The following BEND6 variants were observed in gnomAD, a reference collection of about 807,000 sequenced individuals.
BEND6 encodes the protein BEN domain-containing protein 6.
Under a neutral mutation model 31.8 loss-of-function variants are expected in BEND6, and 24 were observed. The observed-to-expected ratio is 0.75, with a 90% CI of 0.55 to 1.06. The LOEUF is 1.06. BEND6 is among the 50% of genes least tolerant of loss of function. The pLI is 0.00. For synonymous variants in BEND6, 109 were observed against 114.6 expected (o/e 0.95, Z 0.31); for missense variants, 294 against 327.4 (o/e 0.90, Z 0.79).
At chr6:56,968,312 C>CTTTTTTTTT (rs779756084) in intron 1 of BEND6, among the ~76,000 whole-genome samples, 39 of 65,982 alleles carry the variant, frequency 5.9e-4, no homozygotes, top group East Asian at 1.6e-3. Context: ...TCTTTCTTTT[C>CTTTTTTTTT]TTTTTTTTTT....
intron 3 of BEND6, among the ~76,000 whole-genome samples, chr6:56,994,886 C>G (rs2127866206): frequency 6.6e-6 from 1 of 152,290 alleles, no homozygotes; most frequent in East Asian, 1.9e-4. Context: ...CTCTCCCACG[C>G]TCCAAATTGC....
chr6:57,005,659 G>T lies in BEND6; in HGVS notation c.299-9474G>T, dbSNP rs149565298. Among the ~76,000 whole-genome samples, 396 of 149,694 alleles carry T rather than the reference G, an allele frequency of 2.6e-3. 1 individual carries two copies. Among genetic ancestry groups the T allele is most frequent in the African/African-American group, 9.0e-3 (366 of 40,580 alleles). On this transcript the variant is annotated intron_variant, in intron 3 of 6. Coordinates refer to ENST00000370746, the MANE Select transcript of BEND6 (RefSeq NM_152731.3). Reference sequence around the variant, plus strand: ...CGCCCCACTGCACTCCACCCTGGGCGACAGAGCGAGACTCCATTAAAAAAA... The same window carrying T: ...CGCCCCACTGCACTCCACCCTGGGCTACAGAGCGAGACTCCATTAAAAAAA...
Position 57,023,155 on chromosome 6 carries a change from C to A in BEND6, c.*10-2927C>A, listed in dbSNP as rs561971581. ...TTTGGCCTATGTGATCTATGGTGTA[C>A]TTTAACTCCAGTGTTTCCTTGTCAA... is the stretch of plus-strand genomic sequence containing the variant. On this transcript the variant is annotated intron_variant, in intron 6 of 6. Transcript: ENST00000370746. 7.9e-5 allele frequency among the ~76,000 whole-genome samples: 12 copies of A among 152,248 alleles called. No individual in the cohort carries two copies. The East Asian group carries it at 1.9e-3, about 24-fold the overall frequency.
rs1256680001 is a variant in BEND6 at position 56,955,215 on chromosome 6, G to A, written c.-346G>A. Reference sequence around the variant, plus strand: ...CTGAGAGCCCAGCGCCCTCCCGCGGGGCCGCCCGCCAGTCCGCGCCGTCCG... The same window carrying A: ...CTGAGAGCCCAGCGCCCTCCCGCGGAGCCGCCCGCCAGTCCGCGCCGTCCG... On this transcript the variant is annotated 5_prime_UTR_variant, in exon 1 of 7. Coordinates refer to ENST00000370746, the MANE Select transcript of BEND6 (RefSeq NM_152731.3). 6.6e-6 allele frequency: 1 copy of A among 151,776 alleles called. No individual in the cohort carries two copies. The highest frequency in any genetic ancestry group is 1.9e-4 in the East Asian group (1 of 5,168). 9.4% of individuals were successfully genotyped at this position (151,776 alleles called of 1,614,324 possible).
At chr6:56,976,733 T>C (rs540875696) in intron 1 of BEND6, among the ~76,000 whole-genome samples, 7 of 152,210 alleles carry the variant, frequency 4.6e-5, no homozygotes, top group African/African-American at 1.4e-4. Flanking sequence ...CCTGGCTAAT[T>C]TTTGTATTTT....
At chr6:57,012,852 TTTC>T (rs1413443005) in intron 3 of BEND6, among the ~76,000 whole-genome samples, 1 of 152,206 alleles carries the variant, frequency 6.6e-6, no homozygotes, top group African/African-American at 2.4e-5. Context: ...AAATTCCCTT[TTTC>T]TTCTTACATT....
chr6:56,994,406 C>T (rs567491326), intron 3 of BEND6, among the ~76,000 whole-genome samples: 2 of 123,882 alleles, frequency 1.6e-5, no homozygotes, highest in South Asian at 2.8e-4. Context: ...TGCAGTGAGC[C>T]GAGATCGTGC....
intron 3 of BEND6, among the ~76,000 whole-genome samples, chr6:57,012,373 C>T (rs1279994904): frequency 6.6e-6 from 1 of 152,210 alleles, no homozygotes; most frequent in African/African-American, 2.4e-5. Context: ...AATTTATCTA[C>T]AGCTAAAGAA....
chr6:56,969,413 A>G (rs1468433425), intron 1 of BEND6, among the ~76,000 whole-genome samples: 3 of 152,198 alleles, frequency 2.0e-5, no homozygotes, highest in Non-Finnish European at 4.4e-5. Context: ...TAAGCCAGCC[A>G]CTGGCTATTT....
At chr6:57,004,648 G>T in intron 3 of BEND6, 1 of 1,169,392 alleles carries the variant, frequency 8.6e-7, no homozygotes, top group Non-Finnish European at 1.3e-6. Context: ...GAATGCAATG[G>T]AGTGGGCATT....
chr6:57,022,164 CTTTTTTT>C (rs57185788), intron 6 of BEND6, among the ~76,000 whole-genome samples: 19 of 111,162 alleles, frequency 1.7e-4, no homozygotes, highest in Non-Finnish European at 3.3e-4. Flanking sequence ...TTTTCTTTTT[CTTTTTTT>C]TTTTTTTTTT....
At chr6:57,016,028 T>C (rs1593026580) in intron 4 of BEND6, among the ~76,000 whole-genome samples, 2 of 152,162 alleles carry the variant, frequency 1.3e-5, no homozygotes, top group African/African-American at 4.8e-5. Context: ...GGTACAAAGA[T>C]AAAGTTATTA....
rs368317776 is a variant in BEND6 at position 57,018,316 on chromosome 6, GA to G, written c.713-97del. 1.4e-4 allele frequency: 186 copies of G among 1,283,340 alleles called. No homozygotes were observed. The South Asian group carries it at 2.6e-3, about 18-fold the overall frequency. The allele number at this position is 1,283,340 out of a possible 1,614,324, so 79.5% of individuals were successfully genotyped here. ...GTGTTTGGGCTACTTTTGTAAAATG[GA>G]AAAAAAATTATAATGTAGAATACTT... On this transcript the variant is annotated intron_variant, in intron 5 of 6. Coordinates refer to ENST00000370746, the MANE Select transcript of BEND6 (RefSeq NM_152731.3).
intron 1 of BEND6, among the ~76,000 whole-genome samples, chr6:56,963,128 T>G (rs962684382): frequency 1.3e-5 from 2 of 152,194 alleles, no homozygotes; most frequent in East Asian, 3.8e-4. Context: ...ACCATTCCTG[T>G]TGCATGTTTT....
chr6:57,002,553 C>A (rs951810992), intron 3 of BEND6, among the ~76,000 whole-genome samples: 5 of 152,064 alleles, frequency 3.3e-5, no homozygotes, highest in Non-Finnish European at 5.9e-5. Flanking sequence ...TAATCAATAT[C>A]AAGAAGATCT....
intron 4 of BEND6, 94 bp from the exon 5 acceptor site, chr6:57,017,113 A>G: frequency 1.5e-6 from 1 of 653,448 alleles, no homozygotes; most frequent in Non-Finnish European, 2.2e-6. Flanking sequence ...AAAAATGTTG[A>G]CATTGTTTTC....
At chr6:56,966,036 A>G (rs560071609) in intron 1 of BEND6, among the ~76,000 whole-genome samples, 1 of 152,300 alleles carries the variant, frequency 6.6e-6, no homozygotes, top group African/African-American at 2.4e-5. Context: ...CTCCTAAAAT[A>G]GAACTTGTAA....
At chr6:56,978,340 C>T (rs188908979) in intron 1 of BEND6, among the ~76,000 whole-genome samples, 70 of 151,782 alleles carry the variant, frequency 4.6e-4, no homozygotes, top group Middle Eastern at 3.4e-3. Context: ...TTTTTGTATA[C>T]TCACAGTATT....
intron 1 of BEND6, chr6:56,976,150 A>C (rs1317559717): frequency 4.9e-6 from 1 of 205,588 alleles, no homozygotes; most frequent in Non-Finnish European, 9.9e-6. Context: ...TTATCAGTGC[A>C]TGCCAATCAT....
Sources: allele counts gnomAD v4.1 joint callset (sites outside exome capture counted in the v4.1 genomes callset), GRCh38; gene constraint gnomAD v4.1.1; transcripts MANE v1.5; gene names NCBI Gene and HGNC (gene_info 2026-07-23, HGNC 2026-07-21).